Variants in ANKRD28 observed in about 807,000 individuals in gnomAD.
ANKRD28 encodes serine/threonine-protein phosphatase 6 regulatory ankyrin repeat subunit A.
In ANKRD28, 44 loss-of-function variants were observed where a neutral mutation model predicts 126.5. That is an observed-to-expected ratio of 0.35 (90% CI 0.27 to 0.45). The LOEUF (loss-of-function observed/expected upper bound fraction) is 0.45. Ranked by LOEUF, ANKRD28 falls within the 20% of genes least tolerant of loss-of-function variation. The pLI, the probability that ANKRD28 is intolerant of heterozygous loss-of-function variation, is 1.00. For synonymous variants in ANKRD28, 442 were observed against 468.5 expected, an observed-to-expected ratio of 0.94 and a Z score of 0.73; for missense variants, 1,110 against 1,316.6, an observed-to-expected ratio of 0.84 and a Z score of 2.43.
intron 3 of ANKRD28, among the ~76,000 whole-genome samples, chr3:15,762,856 A>C (rs1214673549): frequency 6.6e-6 from 1 of 152,176 alleles, no homozygotes; most frequent in Non-Finnish European, 1.5e-5. Context: ...TTAAGCCTAT[A>C]AATTTTATAT....
At chr3:15,754,145 G>C (rs761787949) in intron 3 of ANKRD28, among the ~76,000 whole-genome samples, 15 of 152,054 alleles carry the variant, frequency 9.9e-5, no homozygotes, top group Non-Finnish European at 2.1e-4. Context: ...AGTCAACCAT[G>C]GTCTGAAAAT....
intron 9 of ANKRD28, 54 bp from the exon 10 acceptor site, chr3:15,713,695 C>A: frequency 8.7e-7 from 1 of 1,148,398 alleles, no homozygotes; most frequent in Non-Finnish European, 1.2e-6. Flanking sequence ...TCAGGTCAAA[C>A]GTACTACATG....
At chr3:15,818,311 A>T (rs1443191053) in intron 1 of ANKRD28, among the ~76,000 whole-genome samples, 1 of 152,214 alleles carries the variant, frequency 6.6e-6, no homozygotes, top group African/African-American at 2.4e-5. Context: ...GAGTGCTCAT[A>T]TGACGCCACA....
At chr3:15,718,135 G>GGAT (rs1277428510) in intron 8 of ANKRD28, among the ~76,000 whole-genome samples, 13 of 152,132 alleles carry the variant, frequency 8.5e-5, no homozygotes, top group Non-Finnish European at 1.8e-4. Flanking sequence ...TATTCTTGCT[G>GGAT]GATGAAAACT....
At chr3:15,773,055 C>T (rs1382971457) in intron 2 of ANKRD28, among the ~76,000 whole-genome samples, 2 of 151,294 alleles carry the variant, frequency 1.3e-5, no homozygotes, top group African/African-American at 4.9e-5. Context: ...AGCAAAAAAT[C>T]TTATCAATTG....
chr3:15,855,144 T>C (rs1431798193), intron 1 of ANKRD28, among the ~76,000 whole-genome samples: 1 of 152,212 alleles, frequency 6.6e-6, no homozygotes, highest in African/African-American at 2.4e-5. Flanking sequence ...AAGTATTTCA[T>C]GCATTCTGTA....
At chr3:15,759,311 C>T (rs1414478590) in intron 3 of ANKRD28, among the ~76,000 whole-genome samples, 2 of 151,460 alleles carry the variant, frequency 1.3e-5, no homozygotes, top group East Asian at 3.8e-4. Flanking sequence ...TCTTAGTTTC[C>T]TTATATAATA....
chr3:15,742,375 G>A (rs1291007674), intron 4 of ANKRD28, among the ~76,000 whole-genome samples: 13 of 149,140 alleles, frequency 8.7e-5, no homozygotes, highest in Admixed American at 3.3e-4. Flanking sequence ...TGTGGGGAGC[G>A]CCTCTGCCCC....
intron 14 of ANKRD28, among the ~76,000 whole-genome samples, chr3:15,705,399 G>A (rs2071219501): frequency 1.3e-5 from 2 of 152,044 alleles, no homozygotes; most frequent in South Asian, 4.1e-4. Flanking sequence ...TCTTTTTTTG[G>A]GGGAAGGAAT....
chr3:15,694,851 T>C (rs781515295), intron 16 of ANKRD28, 38 bp from the exon 17 acceptor site: 2 of 1,579,956 alleles, frequency 1.3e-6, no homozygotes, highest in South Asian at 1.1e-5. Context: ...CAGAAAGACA[T>C]ACTACAGCAA....
At chr3:15,761,613 GA>G (rs1242730583) in intron 3 of ANKRD28, among the ~76,000 whole-genome samples, 6 of 152,100 alleles carry the variant, frequency 3.9e-5, no homozygotes, top group Admixed American at 2.6e-4. Context: ...ATTGTCTGAA[GA>G]CTATTCTTCT....
chr3:15,754,316 T>A (rs1426420521), intron 3 of ANKRD28, among the ~76,000 whole-genome samples: 1 of 152,188 alleles, frequency 6.6e-6, no homozygotes, highest in Non-Finnish European at 1.5e-5. Context: ...CCTTTCCTTA[T>A]GGGACCCTCT....
chr3:15,726,424 T>C (rs533016428), intron 6 of ANKRD28, among the ~76,000 whole-genome samples: 4 of 152,332 alleles, frequency 2.6e-5, no homozygotes, highest in Admixed American at 1.3e-4. Context: ...AAAGTACTAG[T>C]GGTCTGGATA....
At chr3:15,693,255 T>C (rs943992702) in intron 17 of ANKRD28, among the ~76,000 whole-genome samples, 1 of 152,174 alleles carries the variant, frequency 6.6e-6, no homozygotes, top group Non-Finnish European at 1.5e-5. Context: ...TTTTATGCTA[T>C]GTTTTCTTTT....
intron 18 of ANKRD28, among the ~76,000 whole-genome samples, chr3:15,687,802 T>A (rs2068315005): frequency 6.6e-6 from 1 of 152,188 alleles, no homozygotes; most frequent in Non-Finnish European, 1.5e-5. Flanking sequence ...GAAGAACTTG[T>A]TTGGCCCATC....
chr3:15,804,958 T>G lies in ANKRD28; in HGVS notation c.28-9652A>C, dbSNP rs751428905. Among the ~76,000 whole-genome samples, 9 of 145,118 alleles carry G rather than the reference T, an allele frequency of 6.2e-5. No homozygotes were observed. In the Middle Eastern group the frequency reaches 0.01, roughly 166 times the overall value. ...GACTAGTAACATTTTAACACTATAA[T>G]GGGGGACTAGAAGAATGCTGACTTT... On this transcript the variant is annotated intron_variant, in intron 1 of 27. Transcript: ENST00000399451.
chr3:15,748,771 T>G (rs749212360), intron 4 of ANKRD28, among the ~76,000 whole-genome samples: 4 of 152,210 alleles, frequency 2.6e-5, no homozygotes, highest in Non-Finnish European at 4.4e-5. Flanking sequence ...CCCTCAATTA[T>G]TCTCTCAAAT....
chr3:15,724,127 T>C (rs2073988970), intron 7 of ANKRD28, among the ~76,000 whole-genome samples: 1 of 152,198 alleles, frequency 6.6e-6, no homozygotes, highest in Non-Finnish European at 1.5e-5. Context: ...CTACAGGGCC[T>C]GGAACGTGAT....
At chr3:15,745,871 T>C (rs192909142) in intron 4 of ANKRD28, among the ~76,000 whole-genome samples, 2 of 152,304 alleles carry the variant, frequency 1.3e-5, no homozygotes, top group East Asian at 1.9e-4. Flanking sequence ...TTGTGTTGTC[T>C]ATGACTTTTT....
Sources: allele counts gnomAD v4.1 joint callset (sites outside exome capture counted in the v4.1 genomes callset), GRCh38; gene constraint gnomAD v4.1.1; transcripts MANE v1.5; gene names NCBI Gene and HGNC (gene_info 2026-07-23, HGNC 2026-07-21).